Variants in HDGF observed in about 807,000 individuals in gnomAD.
HDGF encodes hepatoma-derived growth factor.
HDGF carries 5 observed loss-of-function variants against 30.0 expected under a neutral mutation model. The ratio of observed to expected loss-of-function variants is 0.17; its 90% CI spans 0.09 to 0.35. The LOEUF is 0.35. Ranked by LOEUF, HDGF falls within the 10% of genes least tolerant of loss-of-function variation. HDGF has a pLI of 1.00. For missense variants in HDGF, 214 were observed against 302.8 expected (o/e 0.71, Z 2.18); for synonymous variants, 133 against 112.7 (o/e 1.18, Z -1.14).
chr1:156,760,551 C>G (rs1478830497), intron 1 of HDGF, among the ~76,000 whole-genome samples: 1 of 152,134 alleles, frequency 6.6e-6, no homozygotes, highest in Non-Finnish European at 1.5e-5. Flanking sequence ...ACTCATTTAC[C>G]CGGTCATTCA....
rs554378025 is a variant in HDGF, at chr1:156,764,489, G to A, written n.136+2301C>T. Among the ~76,000 whole-genome samples the A allele has an allele frequency of 3.3e-5, 5 of 152,258 alleles. No individual in the cohort carries two copies. The East Asian group carries it at 9.7e-4, about 29-fold the overall frequency. Reference sequence around the variant, plus strand: ...TGGGATTACAGGCGTGAGCCACTGCGCCTGGCCTTGCCCAGTTACAAATTT... The same window carrying A: ...TGGGATTACAGGCGTGAGCCACTGCACCTGGCCTTGCCCAGTTACAAATTT... On this transcript the variant is annotated intron_variant and non_coding_transcript_variant, in intron 1 of 7. Transcript: ENST00000465180.
upstream of HDGF, chr1:156,751,872 G>A (rs1651006562): frequency 2.1e-6 from 2 of 961,014 alleles, no homozygotes; most frequent in Non-Finnish European, 2.9e-6. The surrounding 1 kb of genome is among the most constrained non-coding windows in gnomAD (Gnocchi z 4.7). Flanking sequence ...CCAACCCGGA[G>A]CCGCCTGACG....
At chr1:156,759,254 T>C (rs1408157703) in intron 1 of HDGF, 2 of 152,150 alleles carry the variant, frequency 1.3e-5, no homozygotes, top group East Asian at 3.8e-4. Flanking sequence ...TACCAAAAAG[T>C]CATCTCCATG....
Position 156,744,300 on chromosome 1 carries a change from C to G in HDGF, c.352G>C (p.Ala118Pro), listed in dbSNP as rs1238291674. The change falls in exon 4 of 6, where the codon GCT becomes CCT. Residue 118 changes from alanine to proline, a missense_variant. This residue lies in a region of HDGF where 176 missense variants were observed against 211.7 expected (regional missense o/e 0.83). Transcript: ENST00000357325. Reference sequence around the variant, plus strand: ...TTCTTATCACCGTCACCCTCTGCAGCTTCGGGCTCTGGTTCAGGCTCTTCC... The same window carrying G: ...TTCTTATCACCGTCACCCTCTGCAGGTTCGGGCTCTGGTTCAGGCTCTTCC... ...CVEEPEPEPE[A>P]AEGDGDKKGN... The G allele has an allele frequency of 3.1e-6, 5 of 1,614,198 alleles. No homozygotes were observed. In the Admixed American group the frequency reaches 8.3e-5, roughly 27 times the overall value.
chr1:156,764,922 G>C lies in HDGF; in HGVS notation n.136+1868C>G, dbSNP rs571090963. 1.9e-4 allele frequency among the ~76,000 whole-genome samples: 29 copies of C among 151,586 alleles called. 1 individual carries two copies. In the South Asian group the frequency reaches 5.8e-3, roughly 31 times the overall value. On this transcript the variant is annotated intron_variant and non_coding_transcript_variant, in intron 1 of 7. Coordinates refer to the HDGF transcript ENST00000465180. ...AAAAAGAAGAAGAAAGAAAACATTT[G>C]AGACAGGTCCCTGTCCTTTAGGGGC...
At chr1:156,748,702 C>A (rs1650761393) in intron 1 of HDGF, among the ~76,000 whole-genome samples, 1 of 152,200 alleles carries the variant, frequency 6.6e-6, no homozygotes, top group African/African-American at 2.4e-5. Flanking sequence ...CAGCCTCAGA[C>A]TAAAAACAGA....
chr1:156,749,044 AG>A (rs1650790760), intron 1 of HDGF, among the ~76,000 whole-genome samples: 1 of 152,242 alleles, frequency 6.6e-6, no homozygotes, highest in Non-Finnish European at 1.5e-5. Flanking sequence ...GAGATCCCCC[AG>A]GAAGTTAGGC....
chr1:156,745,131 G>A lies in HDGF; in HGVS notation c.180C>T (p.Pro60=). The A allele has an allele frequency of 1.2e-6, 2 of 1,613,988 alleles. No individual in the cohort carries two copies. The highest frequency in any genetic ancestry group is 1.7e-6 in the Non-Finnish European group (2 of 1,180,008). ...FGTHETAFLG[P]KDLFPYEESK... ...ATTCCTCGTAAGGGAAGAGGTCTTT[G>A]GGGCCCAGGAATGCCCTGGTGAGAG... Residue 60 remains proline, a synonymous_variant, in exon 3 of 6, where the codon CCC becomes CCT. Coordinates refer to ENST00000357325, the MANE Select transcript of HDGF (RefSeq NM_004494.3).
At chr1:156,753,699 TGC>T (rs1487625795), upstream of HDGF, among the ~76,000 whole-genome samples, 4 of 145,628 alleles carry the variant, frequency 2.7e-5, no homozygotes, top group East Asian at 2.2e-4. Context: ...TACAGGTGTG[TGC>T]CACCACGCCC....
upstream of HDGF, chr1:156,752,225 T>A: frequency 6.4e-7 from 1 of 1,551,820 alleles, no homozygotes; most frequent in Non-Finnish European, 8.7e-7. Context: ...CTCGCCGTGC[T>A]TACCGTATGG....
Position 156,742,946 on chromosome 1 carries a change from G to C in HDGF, c.*503C>G, listed in dbSNP as rs1259939914. ...AGCTGGGATAATAGGTGTAGCAGGG[G>C]ACAGGAGCTCAGAAGGAGGCCGCCC... On this transcript the variant is annotated 3_prime_UTR_variant, in exon 6 of 6. Transcript: ENST00000357325. 1 of 155,012 alleles carries C rather than the reference G, an allele frequency of 6.5e-6. No homozygotes were observed. The highest frequency in any genetic ancestry group is 1.4e-5 in the Non-Finnish European group (1 of 69,302). 9.6% of individuals were successfully genotyped at this position (155,012 alleles called of 1,614,324 possible).
upstream of HDGF, chr1:156,752,379 T>TA (rs1651037275): frequency 1.3e-6 from 2 of 1,550,696 alleles, no homozygotes; most frequent in Non-Finnish European, 1.7e-6. Context: ...CTCGTTTCTC[T>TA]AAGCTACTGT....
intron 1 of HDGF, among the ~76,000 whole-genome samples, chr1:156,764,842 C>T (rs1412667925): frequency 6.7e-6 from 1 of 149,670 alleles, no homozygotes; most frequent in African/African-American, 2.5e-5. Context: ...GCCAAATTTG[C>T]GCCACTGCAC....
upstream of HDGF, chr1:156,752,069 G>T (rs144345646): frequency 9.7e-6 from 15 of 1,551,544 alleles, no homozygotes; most frequent in East Asian, 2.4e-5. Context: ...AAGTGTGGAC[G>T]TCTGTACACG....
intron 1 of HDGF, among the ~76,000 whole-genome samples, chr1:156,759,888 G>T (rs191018574): frequency 1.3e-5 from 2 of 152,216 alleles, no homozygotes; most frequent in Non-Finnish European, 2.9e-5. Context: ...TCAGTCCCCT[G>T]TTGATGGGCA....
At chr1:156,745,993 C>T (rs902690496) in intron 1 of HDGF, among the ~76,000 whole-genome samples, 3 of 152,224 alleles carry the variant, frequency 2.0e-5, no homozygotes, top group Non-Finnish European at 4.4e-5. Context: ...TTGCTTTCAT[C>T]AGCCTCTCCC....
chr1:156,743,626 G>T, intron 5 of HDGF, 26 bp downstream of exon 5: 1 of 1,584,572 alleles, frequency 6.3e-7, no homozygotes, highest in Non-Finnish European at 8.7e-7. Context: ...TAGTCCAGCT[G>T]CCAAGGGGTC....
upstream of HDGF, chr1:156,751,749 C>G (rs1650996883): frequency 2.5e-6 from 3 of 1,210,094 alleles, no homozygotes; most frequent in Non-Finnish European, 1.0e-6. This position sits in a 1 kb window ranked among gnomAD's most constrained non-coding sequence, Gnocchi z 4.7. Flanking sequence ...CTCCTCCTCC[C>G]TCCTCCCGGA....
chr1:156,767,193 T>C (rs1207358388), upstream of HDGF, among the ~76,000 whole-genome samples: 5 of 152,100 alleles, frequency 3.3e-5, no homozygotes, highest in African/African-American at 1.2e-4. Flanking sequence ...GAGCATCATA[T>C]CTCCCAGAAA....
Sources: allele counts gnomAD v4.1 joint callset (sites outside exome capture counted in the v4.1 genomes callset), GRCh38; gene constraint gnomAD v4.1.1; regional missense constraint gnomAD v4.1.1; non-coding constraint Gnocchi (gnomAD v3.1); transcripts MANE v1.5; gene names NCBI Gene and HGNC (gene_info 2026-07-23, HGNC 2026-07-21).